TTC23L: variants seen among roughly 807,000 people sequenced by gnomAD.
TTC23L encodes tetratricopeptide repeat protein 23-like.
In TTC23L, 42 loss-of-function variants were observed where a neutral mutation model predicts 48.1. That is an observed-to-expected ratio of 0.87 (90% CI 0.68 to 1.13). TTC23L has a LOEUF of 1.13. Among genes scored for constraint, TTC23L ranks in the 50% most tolerant of loss-of-function variants. TTC23L has a pLI of 0.00. For missense variants in TTC23L, 391 were observed against 421.0 expected, an observed-to-expected ratio of 0.93 and a Z score of 0.62; for synonymous variants, 159 against 157.2, an observed-to-expected ratio of 1.01 and a Z score of -0.09.
chr5:34,861,980 A>G (rs1580445568), intron 4 of TTC23L, among the ~76,000 whole-genome samples: 1 of 152,108 alleles, frequency 6.6e-6, no homozygotes, highest in South Asian at 2.1e-4. Context: ...GGAAAGGGGG[A>G]TGCCCTTTCA....
At chr5:34,915,368 G>GTT in the TTC23L span, 4 of 245,778 alleles carry the variant, frequency 1.6e-5, no homozygotes, top group Non-Finnish European at 3.2e-5. Context: ...CCGCCCGCGG[G>GTT]ACAGCATCGC....
intron 4 of TTC23L, among the ~76,000 whole-genome samples, chr5:34,850,970 C>T (rs948362737): frequency 6.6e-6 from 1 of 152,192 alleles, no homozygotes; most frequent in Non-Finnish European, 1.5e-5. Context: ...CAGCTCAAGA[C>T]TCTCTGTTCC....
chr5:34,889,839 T>G (rs1362991449), intron 9 of TTC23L, among the ~76,000 whole-genome samples: 1 of 149,770 alleles, frequency 6.7e-6, no homozygotes, highest in African/African-American at 2.4e-5. Flanking sequence ...TTTTTTTTTG[T>G]TTTTGTTTTT....
exon 3 of TTC23L, chr5:34,845,506 C>T: frequency 5.0e-6 from 8 of 1,613,322 alleles, no homozygotes; most frequent in Non-Finnish European, 6.8e-6. Flanking sequence ...AACCGAGATC[C>T]CAGCTCACCA....
chr5:34,911,607 A>T, the TTC23L span: 2 of 1,614,210 alleles, frequency 1.2e-6, no homozygotes, highest in Non-Finnish European at 1.7e-6. Context: ...CACTCGTCAT[A>T]TCCAATTCAG....
chr5:34,909,844 C>T, the TTC23L span, among the ~76,000 whole-genome samples: 4 of 152,184 alleles, frequency 2.6e-5, no homozygotes, highest in African/African-American at 9.7e-5. Flanking sequence ...TAAGTGTTAA[C>T]ATGCTGATTT....
At chr5:34,855,686 T>C (rs1422408981) in intron 4 of TTC23L, among the ~76,000 whole-genome samples, 1 of 152,214 alleles carries the variant, frequency 6.6e-6, no homozygotes, top group Non-Finnish European at 1.5e-5. Flanking sequence ...ATATGGAGTT[T>C]TAAAAAGAAC....
the TTC23L span, among the ~76,000 whole-genome samples, chr5:34,924,432 T>C: frequency 2.6e-5 from 4 of 152,192 alleles, no homozygotes; most frequent in Non-Finnish European, 4.4e-5. Context: ...TGACTACATA[T>C]CCTTTTAATC....
downstream of TTC23L, among the ~76,000 whole-genome samples, chr5:34,900,840 C>T (rs1014646487): frequency 7.2e-5 from 11 of 152,218 alleles, no homozygotes; most frequent in Admixed American, 3.3e-4. Flanking sequence ...GAGAGTTGAA[C>T]TGCTCATGCA....
At chr5:34,840,918 C>T (rs1048171005) in intron 2 of TTC23L, among the ~76,000 whole-genome samples, 179 bp downstream of exon 2, 2 of 151,970 alleles carry the variant, frequency 1.3e-5, no homozygotes, top group African/African-American at 4.8e-5. Context: ...GGTAGTGGCA[C>T]GCGACTGTAA....
At chr5:34,893,773 G>C (rs1406736004) in intron 9 of TTC23L, among the ~76,000 whole-genome samples, 1 of 148,580 alleles carries the variant, frequency 6.7e-6, no homozygotes, top group African/African-American at 2.5e-5. Context: ...CTCTGAAAAA[G>C]TCCTTGAGAA....
At chr5:34,840,107 G>C (rs1457731789) in intron 1 of TTC23L, among the ~76,000 whole-genome samples, 1 of 152,112 alleles carries the variant, frequency 6.6e-6, no homozygotes, top group African/African-American at 2.4e-5. Flanking sequence ...GGCCAGGCTG[G>C]TCTCGAACTC....
chr5:34,845,486 G>C lies in TTC23L; in HGVS notation c.69-1G>C, dbSNP rs1407426323. 1 of 1,612,474 alleles carries C rather than the reference G, an allele frequency of 6.2e-7. No individual in the cohort carries two copies. The highest frequency in any genetic ancestry group is 1.3e-5 in the African/African-American group (1 of 74,850). On this transcript the variant is annotated splice_acceptor_variant, in intron 2 of 10. Coordinates refer to ENST00000505624, the Ensembl canonical transcript of TTC23L. LOFTEE classifies it high-confidence loss of function. ...AATCCTTGCCTCTCTCATACCTACA[G>C]GTCACAGCAAACCGAGATCCCAGCT...
At chr5:34,886,200 T>C (rs1313558055) in intron 9 of TTC23L, among the ~76,000 whole-genome samples, 1 of 152,108 alleles carries the variant, frequency 6.6e-6, no homozygotes, top group Non-Finnish European at 1.5e-5. Flanking sequence ...AATTAACTAT[T>C]ATTAATTACA....
the TTC23L span, among the ~76,000 whole-genome samples, chr5:34,917,499 G>T: frequency 6.6e-6 from 1 of 152,000 alleles, no homozygotes; most frequent in Admixed American, 6.5e-5. Flanking sequence ...AATCAGCCAG[G>T]TGCAGTGGCG....
chr5:34,881,961 G>C (rs1403354682), intron 9 of TTC23L, among the ~76,000 whole-genome samples: 1 of 151,852 alleles, frequency 6.6e-6, no homozygotes, highest in Non-Finnish European at 1.5e-5. Context: ...TAATCCTGTT[G>C]GTCAGGCTGG....
At position 34,864,568 on chromosome 5, in the gene TTC23L, A is replaced by T; in HGVS notation, c.662+6A>T. 6.2e-7 allele frequency: 1 copy of T among 1,610,298 alleles called. No individual in the cohort carries two copies. The highest frequency in any genetic ancestry group is 8.5e-7 in the Non-Finnish European group (1 of 1,178,068). On this transcript the variant is annotated splice_donor_region_variant and intron_variant, in intron 6 of 10. Transcript: ENST00000505624. ...CTAACACTTGCTTTGGGCAGGTAAG[A>T]TCTGGGCTTGGAGAAGCTGAGGCTT...
intron 4 of TTC23L, among the ~76,000 whole-genome samples, chr5:34,852,097 C>T (rs1298160771): frequency 6.6e-6 from 1 of 152,068 alleles, no homozygotes; most frequent in Non-Finnish European, 1.5e-5. Flanking sequence ...GTTGCCCAGG[C>T]CGATCTCAAA....
the TTC23L span, chr5:34,911,489 C>A: frequency 6.5e-7 from 1 of 1,547,248 alleles, no homozygotes; most frequent in East Asian, 2.3e-5. Context: ...GCATCCTAAG[C>A]AAATGTCTAA....
Sources: allele counts gnomAD v4.1 joint callset (sites outside exome capture counted in the v4.1 genomes callset), GRCh38; gene constraint gnomAD v4.1.1; transcripts MANE v1.5; gene names NCBI Gene and HGNC (gene_info 2026-07-23, HGNC 2026-07-21).